Variants in MBNL2 observed in about 807,000 individuals in gnomAD.
The protein encoded by MBNL2 is muscleblind like splicing regulator 2.
In MBNL2, 17 loss-of-function variants were observed where a neutral mutation model predicts 41.9. The ratio of observed to expected loss-of-function variants is 0.41; its 90% CI spans 0.28 to 0.61. The LOEUF (loss-of-function observed/expected upper bound fraction) is 0.61, where lower values mean the gene tolerates loss of function less well. Ranked by LOEUF, MBNL2 falls within the 20% of genes least tolerant of loss-of-function variation. The pLI is 0.35. For missense variants in MBNL2, 336 were observed against 505.6 expected, an observed-to-expected ratio of 0.66 and a Z score of 3.22; for synonymous variants, 195 against 182.9, an observed-to-expected ratio of 1.07 and a Z score of -0.53.
chr13:97,393,375 G>A lies in MBNL2; in HGVS notation c.*1926G>A, dbSNP rs1475933406. On this transcript the variant is annotated 3_prime_UTR_variant, in exon 9 of 9. Coordinates refer to ENST00000679496, the MANE Select transcript of MBNL2 (RefSeq NM_001382683.1). Reference sequence around the variant, plus strand: ...ACTGAAATATTTTTGTAGATTAATTGTTGTAACATTGTCTTTCTTTTTTTT... The same window carrying A: ...ACTGAAATATTTTTGTAGATTAATTATTGTAACATTGTCTTTCTTTTTTTT... 3 of 152,048 alleles carry A rather than the reference G, an allele frequency of 2.0e-5. No individual in the cohort carries two copies. The highest frequency in any genetic ancestry group is 1.3e-4 in the Admixed American group (2 of 15,204). The allele number at this position is 152,048 out of a possible 1,614,324, so 9.4% of individuals were successfully genotyped here. A position where few individuals can be genotyped will look rare whatever the true frequency, so the allele number is the denominator to read the frequency against.
intron 3 of MBNL2, among the ~76,000 whole-genome samples, chr13:97,335,743 G>A (rs1295245602): frequency 1.3e-5 from 2 of 152,178 alleles, no homozygotes; most frequent in East Asian, 1.9e-4. Flanking sequence ...TAAGCCTCTT[G>A]TAAAGGGTGA....
chr13:97,149,248 G>A, the MBNL2 span, among the ~76,000 whole-genome samples: 2 of 152,080 alleles, frequency 1.3e-5, no homozygotes, highest in East Asian at 1.9e-4. Flanking sequence ...TGATATGTTC[G>A]GGCTTCAGAT....
chr13:97,188,169 A>C, the MBNL2 span, among the ~76,000 whole-genome samples: 1 of 152,104 alleles, frequency 6.6e-6, no homozygotes, highest in Non-Finnish European at 1.5e-5. Context: ...GGGCTGACAA[A>C]TGTCTCAGCT....
chr13:97,244,463 GA>G (rs2045026672), intron 1 of MBNL2, among the ~76,000 whole-genome samples: 1 of 152,178 alleles, frequency 6.6e-6, no homozygotes, highest in Non-Finnish European at 1.5e-5. Flanking sequence ...GAAACAAATA[GA>G]GACAAGTCAA....
the MBNL2 span, among the ~76,000 whole-genome samples, chr13:97,160,008 A>C: frequency 6.6e-6 from 1 of 152,006 alleles, no homozygotes; most frequent in Non-Finnish European, 1.5e-5. Context: ...ACTTCGTTCC[A>C]TTCTCCCCAT....
rs1280337060 is a variant in MBNL2, at chr13:97,224,573, C to T, written c.-605+2042C>T. 2.1e-5 allele frequency among the ~76,000 whole-genome samples: 3 copies of T among 139,852 alleles called. No homozygotes were observed. In the East Asian group the frequency reaches 6.6e-4, roughly 31 times the overall value. 91.7% of individuals were successfully genotyped at this position (139,852 alleles called of 152,430 possible). ...TTTCTGTCTTTTAATAGAATTGAAT[C>T]ATACTTGCTACACTTTCCCTCATCA... On this transcript the variant is annotated intron_variant, in intron 1 of 8. Transcript: ENST00000679496.
the MBNL2 span, among the ~76,000 whole-genome samples, chr13:97,168,128 G>C: frequency 6.6e-6 from 1 of 152,082 alleles, no homozygotes. Context: ...ACCATGCCCA[G>C]CTAATTTTGT....
intron 2 of MBNL2, among the ~76,000 whole-genome samples, chr13:97,311,789 G>A (rs891657608): frequency 8.5e-5 from 13 of 152,056 alleles, no homozygotes; most frequent in South Asian, 2.1e-4. Context: ...CTACAGGTGG[G>A]TTAACGTCCA....
At chr13:97,179,105 T>C in the MBNL2 span, among the ~76,000 whole-genome samples, 1 of 152,184 alleles carries the variant, frequency 6.6e-6, no homozygotes, top group African/African-American at 2.4e-5. Flanking sequence ...CATATCAACA[T>C]GGATCAGTCT....
the MBNL2 span, among the ~76,000 whole-genome samples, chr13:97,195,421 A>G: frequency 6.6e-6 from 1 of 152,096 alleles, no homozygotes; most frequent in South Asian, 2.1e-4. Context: ...AGGACATATT[A>G]TTTGTCACTG....
intron 2 of MBNL2, among the ~76,000 whole-genome samples, chr13:97,295,346 A>G (rs1337766732): frequency 6.6e-6 from 1 of 151,962 alleles, no homozygotes; most frequent in East Asian, 1.9e-4. Context: ...TATACCAAAG[A>G]TACTAACAGA....
chr13:97,176,682 C>G, the MBNL2 span, among the ~76,000 whole-genome samples: 57 of 152,178 alleles, frequency 3.7e-4, no homozygotes, highest in African/African-American at 1.4e-3. Context: ...CTAAAGAATG[C>G]AAGTCTCACT....
intron 1 of MBNL2, among the ~76,000 whole-genome samples, chr13:97,224,933 C>CT (rs1416222230): frequency 1.3e-5 from 2 of 152,170 alleles, no homozygotes; most frequent in Non-Finnish European, 2.9e-5. Context: ...GGCCACAGGC[C>CT]TTGTAGTGCC....
chr13:97,270,595 T>C lies in MBNL2; in HGVS notation c.-604-5037T>C, dbSNP rs190132098. 3.2e-3 allele frequency among the ~76,000 whole-genome samples: 488 copies of C among 152,282 alleles called. 2 individuals carry two copies. Among genetic ancestry groups the C allele is most frequent in the Admixed American group, 7.1e-3 (109 of 15,292 alleles). On this transcript the variant is annotated intron_variant, in intron 1 of 8. Transcript: ENST00000679496. ...TAAATTCATTAAGAATAAATAAAAATTTAAAATTTAGTTTCTCAGTTTCAC... is the reference window on the plus strand; with the variant it reads ...TAAATTCATTAAGAATAAATAAAAACTTAAAATTTAGTTTCTCAGTTTCAC...
At chr13:97,234,385 T>G (rs2042911291) in intron 1 of MBNL2, among the ~76,000 whole-genome samples, 1 of 152,200 alleles carries the variant, frequency 6.6e-6, no homozygotes, top group South Asian at 2.1e-4. Context: ...TGAGCTTCTC[T>G]GGCAGTGTTG....
the MBNL2 span, among the ~76,000 whole-genome samples, chr13:97,144,777 C>T: frequency 5.9e-5 from 9 of 152,004 alleles, no homozygotes; most frequent in South Asian, 2.1e-4. Context: ...CACCACATGA[C>T]GGCGGAGGAT....
chr13:97,208,830 A>C, the MBNL2 span, among the ~76,000 whole-genome samples: 11 of 152,226 alleles, frequency 7.2e-5, no homozygotes, highest in African/African-American at 2.4e-4. Flanking sequence ...CGGTACATAT[A>C]CTTCAAGAAT....
chr13:97,382,671 T>G (rs1566454017), intron 8 of MBNL2, among the ~76,000 whole-genome samples: 1 of 145,156 alleles, frequency 6.9e-6, no homozygotes, highest in Non-Finnish European at 1.5e-5. Flanking sequence ...ATCTGCCAAC[T>G]ATTTTTTTTT....
chr13:97,298,478 A>G (rs778297661), intron 2 of MBNL2, among the ~76,000 whole-genome samples: 5 of 152,220 alleles, frequency 3.3e-5, no homozygotes, highest in Non-Finnish European at 5.9e-5. Context: ...TGTCTTCTCT[A>G]AAAGATAGAA....
Sources: gnomAD v4.1 joint callset for allele counts (sites outside exome capture counted in the v4.1 genomes callset) on GRCh38, gnomAD v4.1.1 for gene constraint, MANE v1.5 for transcripts, NCBI Gene and HGNC (gene_info 2026-07-23, HGNC 2026-07-21) for gene names.